The following NACC2 variants were observed in gnomAD, a reference collection of about 807,000 sequenced individuals.
NACC2 encodes the protein nucleus accumbens-associated protein 2.
Under a neutral mutation model 25.1 loss-of-function variants are expected in NACC2, and 8 were observed. The ratio of observed to expected loss-of-function variants is 0.32; its 90% CI spans 0.19 to 0.57. The LOEUF (loss-of-function observed/expected upper bound fraction) is 0.57, where lower values mean the gene tolerates loss of function less well. Among genes scored for constraint, NACC2 ranks in the 20% least tolerant of loss-of-function variants. The probability of loss-of-function intolerance (pLI) is 0.89; values close to 1 mark genes in which losing one functional copy is unlikely to be tolerated. For synonymous variants in NACC2, 435 were observed against 294.7 expected, an observed-to-expected ratio of 1.48 and a Z score of -4.88; for missense variants, 644 against 650.2, an observed-to-expected ratio of 0.99 and a Z score of 0.10.
intron 2 of NACC2, among the ~76,000 whole-genome samples, chr9:136,047,102 C>CT (rs1655431988): frequency 6.6e-6 from 1 of 152,152 alleles, no homozygotes; most frequent in African/African-American, 2.4e-5. Flanking sequence ...TTAGAACACG[C>CT]TAGTCCTACC....
rs965404776 is a variant in NACC2, at chr9:136,086,050, G to A, written c.-60+9139C>T. Among the ~76,000 whole-genome samples, 6 of 152,168 alleles carry A rather than the reference G, an allele frequency of 3.9e-5. No individual in the cohort carries two copies. The highest frequency in any genetic ancestry group is 1.2e-4 in the African/African-American group (5 of 41,456). ...GAGGGGTTGGCAGAGCCCGGAGTCC[G>A]GGCGCCACGCAGGGCAGCTCCGACG... On this transcript the variant is annotated intron_variant, in intron 1 of 5. Coordinates refer to ENST00000277554, the MANE Select transcript of NACC2 (RefSeq NM_144653.5). This position sits in a 1 kb window ranked among gnomAD's most constrained non-coding sequence, Gnocchi z 5.6.
chr9:136,030,559 G>A (rs781671944), intron 2 of NACC2, among the ~76,000 whole-genome samples: 2 of 151,856 alleles, frequency 1.3e-5, no homozygotes, highest in African/African-American at 2.4e-5. Context: ...GCAGTGAGCC[G>A]AGACTGCGCC....
intron 2 of NACC2, among the ~76,000 whole-genome samples, chr9:136,037,591 T>C (rs1307362914): frequency 1.3e-5 from 2 of 151,612 alleles, no homozygotes; most frequent in African/African-American, 4.8e-5. Context: ...CATTGCAACC[T>C]CTGCCTCCTA....
intron 1 of NACC2, among the ~76,000 whole-genome samples, chr9:136,059,438 GAGAA>G (rs1441314303): frequency 6.6e-6 from 1 of 152,210 alleles, no homozygotes; most frequent in Non-Finnish European, 1.5e-5. Flanking sequence ...TGGCGCTCCT[GAGAA>G]AGTGGACAGC....
chr9:136,056,361 A>G lies in NACC2; in HGVS notation c.-59-5781T>C, dbSNP rs111498238. Among the ~76,000 whole-genome samples the G allele has an allele frequency of 7.9e-4, 120 of 152,164 alleles. 1 individual carries two copies. The highest frequency in any genetic ancestry group is 2.8e-3 in the African/African-American group (115 of 41,506). ...CTCCCCCCAACCCCGAGGCCCCCAC[A>G]AAAGCCAGGATGGCGTGTGCCGTGT... On this transcript the variant is annotated intron_variant, in intron 1 of 5. Coordinates refer to ENST00000277554, the MANE Select transcript of NACC2 (RefSeq NM_144653.5).
At chr9:136,094,903 C>A (rs1280913832) in intron 1 of NACC2, among the ~76,000 whole-genome samples, 5 of 149,838 alleles carry the variant, frequency 3.3e-5, no homozygotes, top group South Asian at 2.1e-4. Flanking sequence ...CGGGGTCTCC[C>A]CGAACGCGCG....
At chr9:136,037,175 T>C (rs910439592) in intron 2 of NACC2, among the ~76,000 whole-genome samples, 3 of 152,246 alleles carry the variant, frequency 2.0e-5, no homozygotes, top group Non-Finnish European at 4.4e-5. Context: ...GGAAAGCTGA[T>C]GCCTTTTATT....
rs945526856 is a variant in NACC2, at chr9:136,011,407, GGCAACAGTA to G, written c.*100_*108del. On this transcript the variant is annotated 3_prime_UTR_variant, in exon 6 of 6. Transcript: ENST00000277554. Reference sequence around the variant, plus strand: ...CAGAATAAAAATCACATTTTTCTCAGGCAACAGTAGCAGTTCAGTAGGTAAGTGGCTTGA... The same window carrying G: ...CAGAATAAAAATCACATTTTTCTCAGGCAGTTCAGTAGGTAAGTGGCTTGA... The G allele has an allele frequency of 1.7e-6, 2 of 1,162,240 alleles. No individual in the cohort carries two copies. The highest frequency in any genetic ancestry group is 3.2e-5 in the African/African-American group (2 of 63,290). The allele number at this position is 1,162,240 out of a possible 1,614,324, so 72.0% of individuals were successfully genotyped here.
rs536080421 is a variant in NACC2, at chr9:136,018,264, TG to T, written c.887-1836del. Among the ~76,000 whole-genome samples the T allele has an allele frequency of 1.4e-4, 21 of 150,814 alleles. No individual in the cohort carries two copies. In the South Asian group the frequency reaches 4.0e-3, roughly 29 times the overall value. On this transcript the variant is annotated intron_variant, in intron 2 of 5. Coordinates refer to ENST00000277554, the MANE Select transcript of NACC2 (RefSeq NM_144653.5). This position sits in a 1 kb window ranked among gnomAD's most constrained non-coding sequence, Gnocchi z 4.4. ...ACAGGGGTGGCTGAGCCTCGGGGCGTGGGGGGGCTGCCAAGGGGGCTGCTGG... is the reference window on the plus strand; with the variant it reads ...ACAGGGGTGGCTGAGCCTCGGGGCGTGGGGGGCTGCCAAGGGGGCTGCTGG...
At chr9:136,095,042 C>T (rs1215958482) in intron 1 of NACC2, 147 bp downstream of exon 1, 1 of 146,018 alleles carries the variant, frequency 6.8e-6, no homozygotes, top group Non-Finnish European at 1.5e-5. Flanking sequence ...CTCGGCCGCA[C>T]CCGCCCCGCG....
At position 136,016,572 on chromosome 9, in the gene NACC2, G is replaced by A. The variant is rs57478602; in HGVS notation, c.887-143C>T. 4.8e-3 allele frequency: 4,518 copies of A among 941,312 alleles called. 138 individuals are homozygous for A. In the African/African-American group the frequency reaches 0.066, roughly 14 times the overall value. The allele number at this position is 941,312 out of a possible 1,614,324, so 58.3% of individuals were successfully genotyped here. On this transcript the variant is annotated intron_variant, in intron 2 of 5. Transcript: ENST00000277554. ...GGCCCAGGTGAGGCCACTCTGTGCCGCTCTCCTGCTGGCCTGGGTCAGACT... is the reference window on the plus strand; with the variant it reads ...GGCCCAGGTGAGGCCACTCTGTGCCACTCTCCTGCTGGCCTGGGTCAGACT...
chr9:136,018,432 G>A lies in NACC2; in HGVS notation c.887-2003C>T, dbSNP rs1004670754. 4.6e-5 allele frequency among the ~76,000 whole-genome samples: 7 copies of A among 152,144 alleles called. No homozygotes were observed. The highest frequency in any genetic ancestry group is 4.2e-4 in the South Asian group (2 of 4,812). On this transcript the variant is annotated intron_variant, in intron 2 of 5. Coordinates refer to ENST00000277554, the MANE Select transcript of NACC2 (RefSeq NM_144653.5). This position sits in a 1 kb window ranked among gnomAD's most constrained non-coding sequence, Gnocchi z 4.4. ...GGACCCCACATCCTGAATCCACAGC[G>A]GGCGCCCCACTGAAGGCAGCAGGTG... is the stretch of plus-strand genomic sequence containing the variant.
rs1830361194 is a variant in NACC2 at position 136,084,768 on chromosome 9, G to A, written c.-60+10421C>T. Among the ~76,000 whole-genome samples the A allele has an allele frequency of 6.6e-6, 1 of 152,252 alleles. No homozygotes were observed. Among genetic ancestry groups the A allele is most frequent in the African/African-American group, 2.4e-5 (1 of 41,468 alleles). On this transcript the variant is annotated intron_variant, in intron 1 of 5. Transcript: ENST00000277554. The surrounding 1 kb of genome is among the most constrained non-coding windows in gnomAD (Gnocchi z 5.1). ...ATCACGCAGCCTGGAGAAGGGACGGGCTCCGCCACTCCCTGCAACCCGGAG... is the reference window on the plus strand; with the variant it reads ...ATCACGCAGCCTGGAGAAGGGACGGACTCCGCCACTCCCTGCAACCCGGAG...
chr9:136,049,946 C>T lies in NACC2; in HGVS notation c.576G>A (p.Pro192=), dbSNP rs1250160451. 2 of 585,190 alleles carry T rather than the reference C, an allele frequency of 3.4e-6. No individual in the cohort carries two copies. The highest frequency in any genetic ancestry group is 3.0e-5 in the East Asian group (1 of 33,234). 36.2% of individuals were successfully genotyped at this position (585,190 alleles called of 1,614,324 possible). Residue 192 remains proline, a synonymous_variant, in exon 2 of 6, where the codon CCG becomes CCA. Coordinates refer to ENST00000277554, the MANE Select transcript of NACC2 (RefSeq NM_144653.5). ...PAGPGLAPKR[P]LETGPRDGVA... is the part of the protein sequence containing the mutation. ...CGCCGTCCCGGGGCCCCGTCTCCAG[C>T]GGGCGCTTGGGGGCCAGGCCTGGGC...
rs1840279185 is a variant in NACC2, at chr9:136,020,690, ATT to A, written c.887-4263_887-4262del. 1.3e-5 allele frequency among the ~76,000 whole-genome samples: 2 copies of A among 152,330 alleles called. No homozygotes were observed. The highest frequency in any genetic ancestry group is 4.8e-5 in the African/African-American group (2 of 41,576). On this transcript the variant is annotated intron_variant, in intron 2 of 5. Coordinates refer to ENST00000277554, the MANE Select transcript of NACC2 (RefSeq NM_144653.5). The surrounding 1 kb of genome is among the most constrained non-coding windows in gnomAD (Gnocchi z 4.7). Reference sequence around the variant, plus strand: ...GGACAGAACAGTGCTGAATCAACTGATTTTAAGACTTCCTGTACAGCTACAGT... The same window carrying A: ...GGACAGAACAGTGCTGAATCAACTGATTAAGACTTCCTGTACAGCTACAGT...
chr9:136,088,391 A>G (rs747668286), intron 1 of NACC2, among the ~76,000 whole-genome samples: 5 of 152,146 alleles, frequency 3.3e-5, no homozygotes, highest in Non-Finnish European at 5.9e-5. Context: ...GAGTCCACAC[A>G]GCAATGCTGG....
intron 1 of NACC2, among the ~76,000 whole-genome samples, chr9:136,072,959 G>C (rs1830213999): frequency 1.3e-5 from 2 of 152,156 alleles, no homozygotes; most frequent in Non-Finnish European, 2.9e-5. Context: ...AGAATCCGGG[G>C]CTAGGCAGAG....
In NACC2 at chr9:136,045,691, C is replaced by T. The variant is rs560618633; in HGVS notation, c.886+3945G>A. Among the ~76,000 whole-genome samples, 20 of 152,304 alleles carry T rather than the reference C, an allele frequency of 1.3e-4. No individual in the cohort carries two copies. The South Asian group carries it at 2.1e-3, about 16-fold the overall frequency. On this transcript the variant is annotated intron_variant, in intron 2 of 5. Coordinates refer to ENST00000277554, the MANE Select transcript of NACC2 (RefSeq NM_144653.5). ...CTGTCCCTCGACCTCAGCGGTCTGCCATGCCACAGGTGCCCGTCCTCAGCT... is the reference window on the plus strand; with the variant it reads ...CTGTCCCTCGACCTCAGCGGTCTGCTATGCCACAGGTGCCCGTCCTCAGCT...
At chr9:136,065,106 CAAGAA>C (rs1181980375) in intron 1 of NACC2, among the ~76,000 whole-genome samples, 4 of 152,166 alleles carry the variant, frequency 2.6e-5, no homozygotes, top group African/African-American at 9.7e-5. Flanking sequence ...AAAACTCTTA[CAAGAA>C]AAGACAGGAT....
Sources: allele counts gnomAD v4.1 joint callset (sites outside exome capture counted in the v4.1 genomes callset), GRCh38; gene constraint gnomAD v4.1.1; non-coding constraint Gnocchi (gnomAD v3.1); transcripts MANE v1.5; gene names NCBI Gene and HGNC (gene_info 2026-07-23, HGNC 2026-07-21).